ZNF469: variants seen among roughly 807,000 people sequenced by gnomAD.
The protein encoded by ZNF469 is zinc finger protein 469.
ZNF469 carries 1 observed loss-of-function variant against 1.0 expected under a neutral mutation model. The ratio of observed to expected loss-of-function variants is 1.00; its 90% CI spans 0.35 to 4.73. The LOEUF is 4.73. Among genes scored for constraint, ZNF469 ranks in the 30% most tolerant of loss-of-function variants. The pLI, the probability that ZNF469 is intolerant of heterozygous loss-of-function variation, is 0.16. For synonymous variants in ZNF469, 2,703 were observed against 2,363.4 expected (o/e 1.14, Z -4.17); for missense variants, 6,100 against 5,356.3 (o/e 1.14, Z -4.33).
the ZNF469 span, among the ~76,000 whole-genome samples, chr16:88,356,211 G>A: frequency 6.6e-6 from 1 of 152,170 alleles, no homozygotes; most frequent in African/African-American, 2.4e-5. Flanking sequence ...TGGGCACAGA[G>A]AGTTCAATGT....
At position 88,432,442 on chromosome 16, in the gene ZNF469, T is replaced by A. The variant is rs554985503; in HGVS notation, c.4972T>A (p.Trp1658Arg). 46 of 1,550,216 alleles carry A rather than the reference T, an allele frequency of 3.0e-5. No homozygotes were observed. In the Admixed American group the frequency reaches 5.3e-4, roughly 18 times the overall value. ...EAVQGRPGGT[W>R]PCPASFHPGH... ...GGTTCAGGGGAGGCCTGGGGGGACG[T>A]GGCCCTGCCCAGCCTCCTTCCATCC... The change falls in exon 3 of 3, where the codon TGG becomes AGG. Residue 1658 changes from tryptophan (W) to arginine (R), a missense_variant. Transcript: ENST00000565624.
At chr16:88,362,574 C>T in the ZNF469 span, among the ~76,000 whole-genome samples, 1 of 152,280 alleles carries the variant, frequency 6.6e-6, no homozygotes, top group Admixed American at 6.5e-5. Flanking sequence ...TGTTGTTCTA[C>T]TGTCTTCTGA....
chr16:88,105,961 G>A, the ZNF469 span, among the ~76,000 whole-genome samples: 1 of 152,232 alleles, frequency 6.6e-6, no homozygotes, highest in Non-Finnish European at 1.5e-5. Context: ...CATCATGGTT[G>A]CAAGCTGCAG....
the ZNF469 span, chr16:88,194,570 G>C: frequency 6.6e-6 from 1 of 152,292 alleles, no homozygotes; most frequent in Non-Finnish European, 1.5e-5. Context: ...CATCACAGCT[G>C]CGTGGCCCTT....
chr16:88,146,585 C>T, the ZNF469 span, among the ~76,000 whole-genome samples: 7 of 152,098 alleles, frequency 4.6e-5, no homozygotes, highest in African/African-American at 1.7e-4. Context: ...AAAGCAGAAG[C>T]CCCAGGGATG....
upstream of ZNF469, among the ~76,000 whole-genome samples, chr16:88,380,339 GCGCT>G (rs1180669418): frequency 0.018 from 852 of 47,226 alleles, 47 homozygotes; most frequent in African/African-American, 0.19. Flanking sequence ...ACTCACACAT[GCGCT>G]CACACACATG....
chr16:88,370,642 G>C, the ZNF469 span, among the ~76,000 whole-genome samples: 1 of 152,156 alleles, frequency 6.6e-6, no homozygotes, highest in Admixed American at 6.5e-5. Context: ...GTCCTGAAGC[G>C]TGTGAGTCTC....
chr16:88,264,978 G>A, the ZNF469 span, among the ~76,000 whole-genome samples: 1 of 152,116 alleles, frequency 6.6e-6, no homozygotes, highest in African/African-American at 2.4e-5. Flanking sequence ...TCTGTGCTCA[G>A]CAAGGGAGAC....
At chr16:88,381,056 G>T (rs373793057), upstream of ZNF469, among the ~76,000 whole-genome samples, 1 of 90,312 alleles carries the variant, frequency 1.1e-5, no homozygotes, top group Non-Finnish European at 2.2e-5. Flanking sequence ...ACACAGACAC[G>T]CTCTCACACA....
chr16:88,359,022 T>A, the ZNF469 span, among the ~76,000 whole-genome samples: 5 of 152,140 alleles, frequency 3.3e-5, no homozygotes, highest in Non-Finnish European at 5.9e-5. Flanking sequence ...CTACGGGGAC[T>A]CCCCCTAGAA....
chr16:88,359,042 C>T, the ZNF469 span, among the ~76,000 whole-genome samples: 1 of 152,354 alleles, frequency 6.6e-6, no homozygotes, highest in East Asian at 1.9e-4. Flanking sequence ...AGTAGAATCA[C>T]CGAGTCGTTG....
chr16:88,178,741 C>T, the ZNF469 span: 1 of 152,226 alleles, frequency 6.6e-6, no homozygotes, highest in Non-Finnish European at 1.5e-5. Context: ...AGAGGAGACA[C>T]AACCACAGCA....
At chr16:88,336,478 A>T in the ZNF469 span, among the ~76,000 whole-genome samples, 5 of 145,912 alleles carry the variant, frequency 3.4e-5, no homozygotes. Context: ...AATACCACGC[A>T]CGTTCATCCT....
In ZNF469 at chr16:88,438,235, C is replaced by T. The variant is rs980618509; in HGVS notation, c.10765C>T (p.Pro3589Ser). Residue 3589 changes from proline to serine, a missense_variant, in exon 3 of 3, where the codon CCT becomes TCT. By Grantham distance (74) the Pro-to-Ser change is moderately conservative. Transcript: ENST00000565624. ...ENEASPGSPG[P>S]LLQQALPLGA... is the part of the protein sequence containing the mutation. ...CGAGGCTTCCCCAGGCAGCCCCGGGCCTCTTCTCCAGCAAGCTCTCCCTCT... is the reference window on the plus strand; with the variant it reads ...CGAGGCTTCCCCAGGCAGCCCCGGGTCTCTTCTCCAGCAAGCTCTCCCTCT... 6.5e-7 allele frequency: 1 copy of T among 1,547,514 alleles called. No individual in the cohort carries two copies. Among genetic ancestry groups the T allele is most frequent in the Non-Finnish European group, 8.7e-7 (1 of 1,145,070 alleles).
the ZNF469 span, among the ~76,000 whole-genome samples, chr16:88,101,601 C>A: frequency 6.6e-6 from 1 of 151,652 alleles, no homozygotes; most frequent in African/African-American, 2.4e-5. Context: ...GGCTGGGTGC[C>A]CCGGCCACCC....
the ZNF469 span, among the ~76,000 whole-genome samples, chr16:88,163,665 G>A: frequency 2.0e-5 from 3 of 151,914 alleles, no homozygotes; most frequent in Admixed American, 1.3e-4. Context: ...TAGTTGGGTA[G>A]ATGGGTGGGC....
chr16:88,172,147 G>A, the ZNF469 span, among the ~76,000 whole-genome samples: 1 of 152,302 alleles, frequency 6.6e-6, no homozygotes, highest in East Asian at 1.9e-4. Flanking sequence ...GAACCAGAGG[G>A]CAGACTACTG....
the ZNF469 span, among the ~76,000 whole-genome samples, chr16:88,165,350 A>G: frequency 6.6e-6 from 1 of 152,164 alleles, no homozygotes; most frequent in Non-Finnish European, 1.5e-5. Flanking sequence ...TGTGCCTTCA[A>G]CCTGGTGTCC....
At chr16:88,193,249 A>ATGG in the ZNF469 span, among the ~76,000 whole-genome samples, 2 of 63,672 alleles carry the variant, frequency 3.1e-5, no homozygotes, top group African/African-American at 1.2e-4. Context: ...GGTGGTGGTG[A>ATGG]TGGTGGTGAT....
Sources: allele counts gnomAD v4.1 joint callset (sites outside exome capture counted in the v4.1 genomes callset), GRCh38; gene constraint gnomAD v4.1.1; transcripts MANE v1.5; gene names NCBI Gene and HGNC (gene_info 2026-07-23, HGNC 2026-07-21).